The following DNAAF9 variants were observed in gnomAD, a reference collection of about 807,000 sequenced individuals.
DNAAF9 encodes the protein dynein axonemal assembly factor 9.
In DNAAF9, 90 loss-of-function variants were observed where a neutral mutation model predicts 167.0. The ratio of observed to expected loss-of-function variants is 0.54; its 90% CI spans 0.45 to 0.64. DNAAF9 has a LOEUF of 0.64. Among genes scored for constraint, DNAAF9 ranks in the 30% least tolerant of loss-of-function variants. The pLI, the probability that DNAAF9 is intolerant of heterozygous loss-of-function variation, is 0.00. For synonymous variants in DNAAF9, 491 were observed against 508.8 expected, an observed-to-expected ratio of 0.96 and a Z score of 0.47; for missense variants, 1,315 against 1,442.2, an observed-to-expected ratio of 0.91 and a Z score of 1.43.
intron 33 of DNAAF9, among the ~76,000 whole-genome samples, chr20:3,258,928 C>G (rs2068329830): frequency 6.6e-6 from 1 of 152,168 alleles, no homozygotes; most frequent in African/African-American, 2.4e-5. Context: ...ATTTCCTTCC[C>G]CTGGAATACT....
intron 8 of DNAAF9, among the ~76,000 whole-genome samples, chr20:3,345,415 A>T (rs2070173884): frequency 6.6e-6 from 1 of 152,220 alleles, no homozygotes; most frequent in African/African-American, 2.4e-5. Context: ...TATGAGCTTC[A>T]TTCTATCATT....
At chr20:3,255,082 C>A in intron 35 of DNAAF9, 137 bp downstream of exon 35, 1 of 612,054 alleles carries the variant, frequency 1.6e-6, no homozygotes, top group Admixed American at 2.6e-5. Flanking sequence ...CGCAGCTTCC[C>A]TCTGTGGCCT....
chr20:3,309,254 A>C (rs1005604003), intron 20 of DNAAF9, among the ~76,000 whole-genome samples: 7 of 151,936 alleles, frequency 4.6e-5, no homozygotes, highest in African/African-American at 1.7e-4. Context: ...CATTTTTACC[A>C]TGTCAAGTAA....
At chr20:3,289,681 G>A (rs1259434277) in intron 26 of DNAAF9, among the ~76,000 whole-genome samples, 2 of 151,802 alleles carry the variant, frequency 1.3e-5, no homozygotes, top group Non-Finnish European at 2.9e-5. Flanking sequence ...CACCACGTTC[G>A]GCTAATTTTT....
chr20:3,330,373 G>C (rs1025316317), intron 12 of DNAAF9, among the ~76,000 whole-genome samples: 13 of 152,064 alleles, frequency 8.5e-5, no homozygotes, highest in Non-Finnish European at 1.8e-4. Context: ...CTCCTGAGTA[G>C]CTGGGACCAC....
chr20:3,376,434 TTTAA>T (rs747935237), intron 3 of DNAAF9, 132 bp from the exon 4 acceptor site: 90 of 754,528 alleles, frequency 1.2e-4, no homozygotes, highest in Non-Finnish European at 1.6e-4. Flanking sequence ...CTGAAAATTA[TTTAA>T]TTAAGCACTG....
At chr20:3,366,218 T>C (rs2083431498) in intron 6 of DNAAF9, among the ~76,000 whole-genome samples, 1 of 152,208 alleles carries the variant, frequency 6.6e-6, no homozygotes, top group South Asian at 2.1e-4. Flanking sequence ...TCTTAAATAA[T>C]AAGCCTTGAA....
At chr20:3,308,940 T>C (rs975634985) in intron 20 of DNAAF9, among the ~76,000 whole-genome samples, 2 of 152,232 alleles carry the variant, frequency 1.3e-5, no homozygotes, top group South Asian at 2.1e-4. Flanking sequence ...ACAGACCTTG[T>C]CCCACATTCA....
intron 1 of DNAAF9, among the ~76,000 whole-genome samples, chr20:3,391,575 C>CTTT (rs1205511215): frequency 1.0e-5 from 1 of 97,668 alleles, no homozygotes; most frequent in African/African-American, 4.4e-5. Context: ...GTCTTTTTTC[C>CTTT]TTCTTTTTTT....
chr20:3,362,967 G>A (rs1436842728), intron 6 of DNAAF9, among the ~76,000 whole-genome samples: 3 of 151,996 alleles, frequency 2.0e-5, no homozygotes, highest in Non-Finnish European at 4.4e-5. Context: ...AGTGGCTCAC[G>A]CTTGTAATCC....
intron 29 of DNAAF9, among the ~76,000 whole-genome samples, chr20:3,277,224 G>A (rs1257991146): frequency 1.3e-5 from 2 of 152,132 alleles, no homozygotes; most frequent in African/African-American, 4.8e-5. Context: ...GGTCATCAGG[G>A]TCCTTCTCAC....
chr20:3,331,764 C>T (rs1017243918), intron 11 of DNAAF9, among the ~76,000 whole-genome samples: 4 of 152,206 alleles, frequency 2.6e-5, no homozygotes, highest in African/African-American at 9.7e-5. Context: ...ACCTCCACCT[C>T]CCAAGTTCAA....
chr20:3,265,848 T>C (rs895041123), intron 30 of DNAAF9, among the ~76,000 whole-genome samples: 15 of 151,724 alleles, frequency 9.9e-5, no homozygotes, highest in Non-Finnish European at 1.5e-5. Context: ...CTGCTAATTT[T>C]TGTATTTTTT....
intron 1 of DNAAF9, among the ~76,000 whole-genome samples, chr20:3,405,639 A>G (rs1025044969): frequency 1.3e-5 from 2 of 152,362 alleles, no homozygotes; most frequent in East Asian, 3.9e-4. Context: ...AAAGTGAGCC[A>G]GCATACTTCT....
At chr20:3,374,253 G>T in intron 5 of DNAAF9, 99 bp from the exon 6 acceptor site, 1 of 656,308 alleles carries the variant, frequency 1.5e-6, no homozygotes, top group East Asian at 2.8e-5. Context: ...TTTCTCACGT[G>T]GTCACCAGGG....
chr20:3,406,776 C>T (rs909861620), intron 1 of DNAAF9, among the ~76,000 whole-genome samples: 6 of 152,190 alleles, frequency 3.9e-5, no homozygotes, highest in Non-Finnish European at 8.8e-5. Flanking sequence ...AGTTTTTCCT[C>T]CTGCGTCCCT....
intron 1 of DNAAF9, among the ~76,000 whole-genome samples, chr20:3,401,391 T>C (rs1334239100): frequency 6.6e-6 from 1 of 151,838 alleles, no homozygotes; most frequent in Admixed American, 6.6e-5. Flanking sequence ...TTAGTAGAGA[T>C]GGGGTTTTTC....
chr20:3,367,973 T>C (rs1160244699), intron 6 of DNAAF9, among the ~76,000 whole-genome samples: 2 of 150,870 alleles, frequency 1.3e-5, no homozygotes, highest in African/African-American at 2.4e-5. Context: ...TAAATTAAGA[T>C]AGGCCTGTAT....
intron 33 of DNAAF9, among the ~76,000 whole-genome samples, 194 bp downstream of exon 33, chr20:3,259,286 A>T (rs2122742092): frequency 6.6e-6 from 1 of 152,326 alleles, no homozygotes; most frequent in East Asian, 1.9e-4. Context: ...GAACAGGAGG[A>T]CCCAGACTAA....
Sources: allele counts gnomAD v4.1 joint callset (sites outside exome capture counted in the v4.1 genomes callset), GRCh38; gene constraint gnomAD v4.1.1; transcripts MANE v1.5; gene names NCBI Gene and HGNC (gene_info 2026-07-23, HGNC 2026-07-21).